Variants in AKT3 observed in about 807,000 individuals in gnomAD.
The protein encoded by AKT3 is AKT serine/threonine kinase 3.
Under a neutral mutation model 65.3 loss-of-function variants are expected in AKT3, and 15 were observed. The ratio of observed to expected loss-of-function variants is 0.23; its 90% confidence interval spans 0.15 to 0.35. The LOEUF (loss-of-function observed/expected upper bound fraction) is 0.35, where lower values mean the gene tolerates loss of function less well. Among genes scored for constraint, AKT3 ranks in the 10% least tolerant of loss-of-function variants. AKT3 has a pLI of 1.00. For missense variants in AKT3, 243 were observed against 576.5 expected, an observed-to-expected ratio of 0.42 and a Z score of 5.92; for synonymous variants, 206 against 183.8, an observed-to-expected ratio of 1.12 and a Z score of -0.98.
intron 2 of AKT3, among the ~76,000 whole-genome samples, chr1:243,726,963 C>T (rs1374870108): frequency 1.3e-5 from 2 of 152,204 alleles, no homozygotes; most frequent in Non-Finnish European, 2.9e-5. Context: ...GGTGGCCTAG[C>T]CAAGGCTCCC....
intron 5 of AKT3, 35 bp from the exon 6 acceptor site, chr1:243,637,777 T>A: frequency 7.2e-7 from 1 of 1,392,414 alleles, no homozygotes; most frequent in Non-Finnish European, 9.9e-7. Flanking sequence ...TAATATGAAG[T>A]ATTTGATGCA....
intron 12 of AKT3, among the ~76,000 whole-genome samples, chr1:243,529,977 A>AC: frequency 6.6e-6 from 1 of 152,012 alleles, no homozygotes; most frequent in African/African-American, 2.4e-5. Flanking sequence ...GATTTCTCTG[A>AC]CCAGTGTTAT....
chr1:243,656,888 C>G (rs1681843746), intron 4 of AKT3, among the ~76,000 whole-genome samples: 1 of 152,062 alleles, frequency 6.6e-6, no homozygotes, highest in Non-Finnish European at 1.5e-5. Flanking sequence ...AGTACATATA[C>G]AAATCATATT....
chr1:243,671,007 C>A (rs2147941237), intron 3 of AKT3, among the ~76,000 whole-genome samples: 1 of 151,818 alleles, frequency 6.6e-6, no homozygotes, highest in Admixed American at 6.6e-5. Context: ...CCTCTTTAGC[C>A]ATTTAAACAC....
At chr1:243,617,281 G>A (rs1678401666) in intron 6 of AKT3, among the ~76,000 whole-genome samples, 1 of 152,004 alleles carries the variant, frequency 6.6e-6, no homozygotes, top group Admixed American at 6.6e-5. Flanking sequence ...TACTTACATG[G>A]TGATCAGTGT....
In AKT3 at chr1:243,503,566, G is replaced by A. The variant is rs950315979; in HGVS notation, c.*1683C>T. ...GACTTCACAGGCTGCTTTGGAAATTGTCAGCTCCTAGCACCAAAGGGTTTA... is the reference window on the plus strand; with the variant it reads ...GACTTCACAGGCTGCTTTGGAAATTATCAGCTCCTAGCACCAAAGGGTTTA... On this transcript the variant is annotated 3_prime_UTR_variant, in exon 14 of 14. Transcript: ENST00000673466. The A allele has an allele frequency of 1.3e-5, 3 of 233,264 alleles. No individual in the cohort carries two copies. The highest frequency in any genetic ancestry group is 6.6e-5 in the African/African-American group (3 of 45,310). 14.4% of individuals were successfully genotyped at this position (233,264 alleles called of 1,614,324 possible).
At chr1:243,850,693 GCCCTGCCCGCCGCCTCTGCTCCCCT>G (rs1352557257), upstream of AKT3, among the ~76,000 whole-genome samples, 3 of 151,672 alleles carry the variant, frequency 2.0e-5, no homozygotes, top group African/African-American at 4.8e-5. Context: ...CGCGTCCCCG[GCCCTGCCCGCCGCCTCTGCTCCCCT>G]CCCTGCCCGG....
At chr1:243,666,894 G>A (rs765448452) in intron 3 of AKT3, among the ~76,000 whole-genome samples, 11 of 152,100 alleles carry the variant, frequency 7.2e-5, no homozygotes, top group Non-Finnish European at 1.5e-4. Flanking sequence ...GATGAGATGA[G>A]AAAACACAAA....
chr1:243,495,330 G>A (rs901112240), downstream of AKT3, among the ~76,000 whole-genome samples: 3 of 152,236 alleles, frequency 2.0e-5, no homozygotes, highest in African/African-American at 4.8e-5. Flanking sequence ...GGCCTTCTCT[G>A]TGGATACCTT....
intron 3 of AKT3, among the ~76,000 whole-genome samples, chr1:243,667,395 T>G (rs973004375): frequency 6.6e-6 from 1 of 152,128 alleles, no homozygotes; most frequent in Non-Finnish European, 1.5e-5. Flanking sequence ...TGTGGCTTCC[T>G]CTATCTCACA....
intron 2 of AKT3, among the ~76,000 whole-genome samples, chr1:243,750,414 C>CACACACTAT (rs1417297685): frequency 3.9e-5 from 2 of 51,314 alleles, no homozygotes; most frequent in Non-Finnish European, 9.3e-5. Flanking sequence ...CGTATACACA[C>CACACACTAT]ACACACACAC....
At chr1:243,849,940 C>T (rs904643949) in intron 1 of AKT3, 100 bp downstream of exon 1, 22 of 895,660 alleles carry the variant, frequency 2.5e-5, no homozygotes, top group Non-Finnish European at 2.9e-5. Flanking sequence ...GCCGCCATCC[C>T]CCGCCTGAGG....
At chr1:243,813,591 A>G (rs1693323440) in intron 2 of AKT3, among the ~76,000 whole-genome samples, 1 of 152,182 alleles carries the variant, frequency 6.6e-6, no homozygotes. Context: ...AAACAGTCTC[A>G]GGTGACATAA....
At chr1:243,605,747 T>A (rs557429072) in intron 8 of AKT3, among the ~76,000 whole-genome samples, 1 of 152,332 alleles carries the variant, frequency 6.6e-6, no homozygotes, top group Admixed American at 6.5e-5. Context: ...AATACAGTCA[T>A]GCATTACTTA....
At chr1:243,499,640 G>GT (rs5782265), downstream of AKT3, 13,457 of 846,900 alleles carry the variant, frequency 0.016, 1,201 homozygotes, top group African/African-American at 0.2. Flanking sequence ...TTAGCAACAG[G>GT]TTTTTTTCTC....
At chr1:243,543,381 T>A (rs534911023) in intron 12 of AKT3, among the ~76,000 whole-genome samples, 3 of 152,196 alleles carry the variant, frequency 2.0e-5, no homozygotes, top group African/African-American at 7.2e-5. Flanking sequence ...GGTCCATATT[T>A]TGGCCCTTCC....
At chr1:243,518,333 G>T (rs1670497868) in intron 12 of AKT3, among the ~76,000 whole-genome samples, 1 of 152,100 alleles carries the variant, frequency 6.6e-6, no homozygotes, top group Admixed American at 6.5e-5. Context: ...GGTAGGGCTT[G>T]TAAAAAATTG....
intron 12 of AKT3, among the ~76,000 whole-genome samples, chr1:243,527,640 T>C (rs776444849): frequency 3.9e-5 from 6 of 152,128 alleles, no homozygotes; most frequent in Non-Finnish European, 7.4e-5. Context: ...CCTCTGAGCC[T>C]ATCCCTACAT....
At chr1:243,759,372 A>G (rs1689350737) in intron 2 of AKT3, among the ~76,000 whole-genome samples, 1 of 151,810 alleles carries the variant, frequency 6.6e-6, no homozygotes. Context: ...AAAATAAAAT[A>G]ATACAAGGAC....
Sources: allele counts gnomAD v4.1 joint callset (sites outside exome capture counted in the v4.1 genomes callset), GRCh38; gene constraint gnomAD v4.1.1; transcripts MANE v1.5; gene names NCBI Gene and HGNC (gene_info 2026-07-23, HGNC 2026-07-21).